Variants in FGD6 observed in about 807,000 individuals in gnomAD.
FGD6 encodes the protein FYVE, RhoGEF and PH domain-containing protein 6.
A neutral mutation model predicts 149.4 loss-of-function variants in FGD6; 90 were observed. The observed-to-expected ratio is 0.60, with a 90% CI of 0.51 to 0.72. The LOEUF (loss-of-function observed/expected upper bound fraction) is 0.72. Among genes scored for constraint, FGD6 ranks in the 30% least tolerant of loss-of-function variants. The probability of loss-of-function intolerance (pLI) is 0.00; values close to 1 mark genes in which losing one functional copy is unlikely to be tolerated. For missense variants in FGD6, 1,437 were observed against 1,684.8 expected, an observed-to-expected ratio of 0.85 and a Z score of 2.57; for synonymous variants, 527 against 584.0, an observed-to-expected ratio of 0.90 and a Z score of 1.41.
chr12:95,083,460 T>G (rs1338832035), intron 20 of FGD6, among the ~76,000 whole-genome samples: 1 of 152,138 alleles, frequency 6.6e-6, no homozygotes. Context: ...TTGATGAAAA[T>G]TGTAAGAAAG....
intron 5 of FGD6, among the ~76,000 whole-genome samples, chr12:95,151,543 C>T (rs117359442): frequency 0.027 from 4,100 of 152,306 alleles, 129 homozygotes; most frequent in Middle Eastern, 0.088. Context: ...GCTGGGATTA[C>T]AGTCATGAGC....
chr12:95,137,001 G>A (rs1434353504), intron 7 of FGD6, among the ~76,000 whole-genome samples: 1 of 152,162 alleles, frequency 6.6e-6, no homozygotes, highest in Non-Finnish European at 1.5e-5. Flanking sequence ...TTTCCAGCTA[G>A]GCACAGTGGC....
intron 8 of FGD6, chr12:95,116,907 T>TA (rs1300360683): frequency 2.2e-6 from 1 of 455,786 alleles, no homozygotes; most frequent in Non-Finnish European, 4.4e-6. Context: ...AACTGCAGCA[T>TA]AAGAATGTGA....
Position 95,151,338 on chromosome 12 carries a change from T to C in FGD6, c.2685+1473A>G, listed in dbSNP as rs562900613. ...CATGTTGGAGTGCAGTGGTACCATC[T>C]TGGCTCACTGCAACCTCTGCCTCCT... On this transcript the variant is annotated intron_variant, in intron 5 of 20. Transcript: ENST00000343958. 7.6e-4 allele frequency among the ~76,000 whole-genome samples: 115 copies of C among 152,274 alleles called. 1 individual carries two copies. Among genetic ancestry groups the C allele is most frequent in the Non-Finnish European group, 9.1e-4 (62 of 68,026 alleles).
chr12:95,172,293 T>C (rs1881016345), intron 3 of FGD6, among the ~76,000 whole-genome samples: 1 of 152,082 alleles, frequency 6.6e-6, no homozygotes, highest in Non-Finnish European at 1.5e-5. Context: ...GGAGGATGGC[T>C]TGAACCCGGG....
At chr12:95,107,296 A>G (rs1380212920) in intron 12 of FGD6, among the ~76,000 whole-genome samples, 2 of 152,212 alleles carry the variant, frequency 1.3e-5, no homozygotes, top group African/African-American at 4.8e-5. Flanking sequence ...AAATCCCACA[A>G]AGGTATTAGT....
chr12:95,106,678 C>G (rs1399856248), intron 13 of FGD6, among the ~76,000 whole-genome samples: 1 of 151,932 alleles, frequency 6.6e-6, no homozygotes, highest in Non-Finnish European at 1.5e-5. Flanking sequence ...GGCTGATCAC[C>G]TGAGGTCAGG....
intron 7 of FGD6, 33 bp from the exon 8 acceptor site, chr12:95,134,859 G>A (rs1879623104): frequency 1.3e-6 from 2 of 1,562,052 alleles, no homozygotes; most frequent in East Asian, 2.3e-5. Flanking sequence ...TTAACACAGT[G>A]TTTTCTAAGA....
chr12:95,159,494 A>G (rs1880575368), intron 3 of FGD6, among the ~76,000 whole-genome samples: 1 of 152,216 alleles, frequency 6.6e-6, no homozygotes, highest in South Asian at 2.1e-4. Context: ...ACTGGAGAAA[A>G]TATTCGCAAA....
At chr12:95,163,020 T>G (rs1334952567) in intron 3 of FGD6, among the ~76,000 whole-genome samples, 1 of 152,202 alleles carries the variant, frequency 6.6e-6, no homozygotes, top group Non-Finnish European at 1.5e-5. Context: ...ACTAGAATAT[T>G]TCTAAAATGC....
In FGD6 at chr12:95,137,662, T is replaced by C. The variant is rs1398514584; in HGVS notation, c.2854A>G (p.Ile952Val). ...CCCTTCTTTACAAAGATATCAGCAA[T>C]TCTTTGTTGTTCAGTCCTATGGATA... ...RMLHWTEQQR[I>V]ADIFVKKGPY... Residue 952 changes from isoleucine (I) to valine (V), a missense_variant, in exon 7 of 21, where the codon ATT becomes GTT. Ile to Val is a conservative substitution (Grantham distance 29, BLOSUM62 3). This residue lies in a region of FGD6 where 1,055 missense variants were observed against 1,146.0 expected (regional missense o/e 0.92). Coordinates refer to ENST00000343958, the MANE Select transcript of FGD6 (RefSeq NM_018351.4). The C allele has an allele frequency of 1.2e-6, 2 of 1,600,268 alleles. No homozygotes were observed. The highest frequency in any genetic ancestry group is 1.7e-6 in the Non-Finnish European group (2 of 1,175,118).
At chr12:95,103,670 G>A (rs1180161134) in intron 14 of FGD6, among the ~76,000 whole-genome samples, 10 of 152,142 alleles carry the variant, frequency 6.6e-5, no homozygotes, top group African/African-American at 7.2e-5. Flanking sequence ...AAGTAGCTGG[G>A]ATCATAGGCA....
At chr12:95,183,953 G>A (rs1881354390) in intron 2 of FGD6, among the ~76,000 whole-genome samples, 1 of 152,194 alleles carries the variant, frequency 6.6e-6, no homozygotes, top group Admixed American at 6.5e-5. Flanking sequence ...AAATTACATT[G>A]AGAGGTGTAC....
At chr12:95,099,951 A>G (rs1878363971) in intron 14 of FGD6, among the ~76,000 whole-genome samples, 1 of 151,736 alleles carries the variant, frequency 6.6e-6, no homozygotes, top group Non-Finnish European at 1.5e-5. Context: ...TCTTTAACAT[A>G]CTATACCCTT....
intron 2 of FGD6, among the ~76,000 whole-genome samples, chr12:95,207,139 C>A (rs1162533181): frequency 6.6e-6 from 1 of 152,018 alleles, no homozygotes; most frequent in African/African-American, 2.4e-5. Flanking sequence ...GGTTTTCCCC[C>A]AAGCTGCTGT....
chr12:95,207,112 A>G (rs760296326), intron 2 of FGD6, among the ~76,000 whole-genome samples: 5 of 151,710 alleles, frequency 3.3e-5, no homozygotes, highest in Non-Finnish European at 5.9e-5. Flanking sequence ...GGTGGGAGGT[A>G]ATTTAATCAC....
chr12:95,161,857 T>C (rs1054741404), intron 3 of FGD6, among the ~76,000 whole-genome samples: 1 of 152,098 alleles, frequency 6.6e-6, no homozygotes, highest in Non-Finnish European at 1.5e-5. Flanking sequence ...TACATATAAA[T>C]TTGAAAACAT....
intron 2 of FGD6, among the ~76,000 whole-genome samples, chr12:95,184,100 C>A (rs560085679): frequency 6.6e-6 from 1 of 152,246 alleles, no homozygotes; most frequent in African/African-American, 2.4e-5. Flanking sequence ...TTACAGAATG[C>A]TAAATGTTAC....
chr12:95,135,527 C>G (rs1046163434), intron 7 of FGD6, among the ~76,000 whole-genome samples: 22 of 152,144 alleles, frequency 1.4e-4, no homozygotes, highest in Non-Finnish European at 5.9e-5. Context: ...TTAGTATGTA[C>G]AACAGACATC....
Sources: gnomAD v4.1 joint callset for allele counts (sites outside exome capture counted in the v4.1 genomes callset) on GRCh38, gnomAD v4.1.1 for gene constraint, gnomAD v4.1.1 regional missense constraint, MANE v1.5 for transcripts, NCBI Gene and HGNC (gene_info 2026-07-23, HGNC 2026-07-21) for gene names.